Variants in DNAJC15 observed in about 807,000 individuals in gnomAD.
The protein encoded by DNAJC15 is dnaJ homolog subfamily C member 15.
DNAJC15 carries 27 observed loss-of-function variants against 22.4 expected under a neutral mutation model. The ratio of observed to expected loss-of-function variants is 1.20; its 90% CI spans 0.89 to 1.66. DNAJC15 has a LOEUF of 1.66. DNAJC15 is among the 40% of genes most tolerant of loss of function. The probability of loss-of-function intolerance (pLI) is 0.00; values close to 1 mark genes in which losing one functional copy is unlikely to be tolerated. For synonymous variants in DNAJC15, 79 were observed against 63.2 expected (o/e 1.25, Z -1.19); for missense variants, 208 against 187.1 (o/e 1.11, Z -0.65).
At chr13:43,102,403 TCTTTTG>T (rs1412978388) in intron 5 of DNAJC15, among the ~76,000 whole-genome samples, 5 of 152,222 alleles carry the variant, frequency 3.3e-5, no homozygotes, top group Admixed American at 2.6e-4. Context: ...GCTGATTATT[TCTTTTG>T]CTATGCAGAA....
At chr13:43,035,008 C>G (rs1428180188) in intron 1 of DNAJC15, among the ~76,000 whole-genome samples, 1 of 152,154 alleles carries the variant, frequency 6.6e-6, no homozygotes, top group Non-Finnish European at 1.5e-5. Context: ...TTTTATCCTC[C>G]CACCCAAATG....
chr13:43,100,569 T>C (rs1283353185), intron 5 of DNAJC15, among the ~76,000 whole-genome samples: 1 of 152,178 alleles, frequency 6.6e-6, no homozygotes, highest in Non-Finnish European at 1.5e-5. Context: ...CTGCTATCGC[T>C]GTGTCCCATA....
At chr13:43,056,487 G>A (rs950692668) in intron 1 of DNAJC15, among the ~76,000 whole-genome samples, 1 of 152,148 alleles carries the variant, frequency 6.6e-6, no homozygotes, top group African/African-American at 2.4e-5. Context: ...TGAATAGAAT[G>A]TATATTCTTG....
intron 5 of DNAJC15, among the ~76,000 whole-genome samples, chr13:43,095,751 G>A (rs188462654): frequency 9.5e-4 from 145 of 152,278 alleles, no homozygotes; most frequent in Non-Finnish European, 1.6e-3. Context: ...GTGATCAACT[G>A]GGCTGAATGC....
rs61651931 is a variant in DNAJC15 at position 43,107,291 on chromosome 13, GA to G, written c.*55del. 22,353 of 1,203,404 alleles carry G rather than the reference GA, an allele frequency of 0.019. No individual in the cohort carries two copies. Among genetic ancestry groups the G allele is most frequent in the East Asian group, 0.034 (1,014 of 29,792 alleles). 74.5% of individuals were successfully genotyped at this position (1,203,404 alleles called of 1,614,324 possible). On this transcript the variant is annotated 3_prime_UTR_variant, in exon 6 of 6. Coordinates refer to ENST00000379221, the MANE Select transcript of DNAJC15 (RefSeq NM_013238.3). Reference sequence around the variant, plus strand: ...GAAGGAAAAAAAAAGAGGGGACTTCGAAAAAAAAAAAAGCCCTGCAAAATAT... The same window carrying G: ...GAAGGAAAAAAAAAGAGGGGACTTCGAAAAAAAAAAAGCCCTGCAAAATAT...
intron 5 of DNAJC15, among the ~76,000 whole-genome samples, chr13:43,102,103 A>AT (rs1458441401): frequency 2.6e-5 from 4 of 151,754 alleles, no homozygotes; most frequent in African/African-American, 7.3e-5. Context: ...ATTTTTTTTG[A>AT]TTTTTTAATT....
At chr13:43,073,242 G>T (rs1376952104) in intron 3 of DNAJC15, among the ~76,000 whole-genome samples, 8 of 152,188 alleles carry the variant, frequency 5.3e-5, no homozygotes, top group Admixed American at 3.9e-4. Context: ...AACATAGGTG[G>T]GTTTGTTAAC....
In DNAJC15 at chr13:43,023,603, C is replaced by CT; in HGVS notation, c.-22dup. 2 of 1,599,954 alleles carry CT rather than the reference C, an allele frequency of 1.3e-6. No individual in the cohort carries two copies. Among genetic ancestry groups the CT allele is most frequent in the Non-Finnish European group, 1.7e-6 (2 of 1,173,072 alleles). On this transcript the variant is annotated 5_prime_UTR_variant, in exon 1 of 6. Coordinates refer to ENST00000379221, the MANE Select transcript of DNAJC15 (RefSeq NM_013238.3). ...CGCCTCGTAGTCACTGCCGCGGCGC[C>CT]TTGAGTCTCCGGGCCGCCTTGCCAT...
chr13:43,108,296 A>C lies in DNAJC15; in HGVS notation c.*1048A>C, dbSNP rs1296883610. 6.6e-6 allele frequency: 1 copy of C among 152,210 alleles called. No individual in the cohort carries two copies. The highest frequency in any genetic ancestry group is 1.9e-4 in the East Asian group (1 of 5,198). 9.4% of individuals were successfully genotyped at this position (152,210 alleles called of 1,614,324 possible). On this transcript the variant is annotated 3_prime_UTR_variant, in exon 6 of 6. Coordinates refer to ENST00000379221, the MANE Select transcript of DNAJC15 (RefSeq NM_013238.3). ...AATAGATATATCAATCGGAGTGATTAGAGTGCAGGGTTTCTGGAAAGCAAG... is the reference window on the plus strand; with the variant it reads ...AATAGATATATCAATCGGAGTGATTCGAGTGCAGGGTTTCTGGAAAGCAAG...
intron 1 of DNAJC15, among the ~76,000 whole-genome samples, chr13:43,038,745 T>C (rs1354830498): frequency 2.0e-5 from 3 of 149,688 alleles, no homozygotes; most frequent in Non-Finnish European, 3.0e-5. Context: ...TGAGCTGAGA[T>C]TGCAGCACTG....
At chr13:43,049,317 T>C (rs2040492443) in intron 1 of DNAJC15, among the ~76,000 whole-genome samples, 1 of 152,212 alleles carries the variant, frequency 6.6e-6, no homozygotes, top group Non-Finnish European at 1.5e-5. Context: ...AGCATCATTG[T>C]TTAAAAAACA....
chr13:43,073,362 C>T (rs1043032526), intron 3 of DNAJC15, among the ~76,000 whole-genome samples: 2 of 152,164 alleles, frequency 1.3e-5, no homozygotes, highest in Admixed American at 6.5e-5. Context: ...TTCTCACCTC[C>T]CTAGGCTTCT....
intron 1 of DNAJC15, among the ~76,000 whole-genome samples, 190 bp downstream of exon 1, chr13:43,023,924 C>T (rs746832974): frequency 6.6e-6 from 1 of 152,342 alleles, no homozygotes; most frequent in East Asian, 1.9e-4. Flanking sequence ...GAAGACGGAG[C>T]AGTTCTGAGG....
At chr13:43,084,886 G>C (rs2040679882) in intron 4 of DNAJC15, among the ~76,000 whole-genome samples, 1 of 152,104 alleles carries the variant, frequency 6.6e-6, no homozygotes, top group South Asian at 2.1e-4. Context: ...CCTCTGTAAA[G>C]GTAAAAGATA....
intron 5 of DNAJC15, among the ~76,000 whole-genome samples, chr13:43,101,461 G>T (rs1346681473): frequency 6.6e-6 from 1 of 152,126 alleles, no homozygotes; most frequent in African/African-American, 2.4e-5. Flanking sequence ...GTGGTGTTTG[G>T]TTGCATGGAA....
chr13:43,066,482 A>G (rs2040584652), intron 2 of DNAJC15, among the ~76,000 whole-genome samples: 1 of 152,136 alleles, frequency 6.6e-6, no homozygotes, highest in African/African-American at 2.4e-5. Flanking sequence ...CACCTGGATA[A>G]TCAAGGATCA....
chr13:43,100,961 G>T (rs1345082403), intron 5 of DNAJC15, among the ~76,000 whole-genome samples: 1 of 152,104 alleles, frequency 6.6e-6, no homozygotes, highest in Non-Finnish European at 1.5e-5. Flanking sequence ...GTTTACAGTT[G>T]TCCCATCTTC....
intron 5 of DNAJC15, among the ~76,000 whole-genome samples, chr13:43,088,334 T>C (rs1357031089): frequency 6.6e-6 from 1 of 152,240 alleles, no homozygotes; most frequent in Non-Finnish European, 1.5e-5. Flanking sequence ...GGCACTGATC[T>C]AATCAATGCT....
chr13:43,053,133 T>C (rs968886527), intron 1 of DNAJC15, among the ~76,000 whole-genome samples: 3 of 152,226 alleles, frequency 2.0e-5, no homozygotes, highest in African/African-American at 7.2e-5. Context: ...TTGCCAGTTA[T>C]CTCAGCACCA....
Sources: allele counts gnomAD v4.1 joint callset (sites outside exome capture counted in the v4.1 genomes callset), GRCh38; gene constraint gnomAD v4.1.1; transcripts MANE v1.5; gene names NCBI Gene and HGNC (gene_info 2026-07-23, HGNC 2026-07-21).